Variants in AKR1C8 observed in about 807,000 individuals in gnomAD.
AKR1C8 encodes aldo-keto reductase family 1 member C8.
the AKR1C8 span, among the ~76,000 whole-genome samples, chr10:5,166,264 C>T: frequency 6.6e-6 from 1 of 152,000 alleles, no homozygotes; most frequent in Non-Finnish European, 1.5e-5. Context: ...CAATGACTTT[C>T]TTCACAGAAT....
the AKR1C8 span, among the ~76,000 whole-genome samples, chr10:5,128,086 G>A: frequency 1.3e-5 from 2 of 152,156 alleles, no homozygotes; most frequent in South Asian, 4.1e-4. Context: ...AGACTTCTCA[G>A]CAGAAACCTC....
chr10:5,132,896 T>G, the AKR1C8 span: 11 of 346,234 alleles, frequency 3.2e-5, no homozygotes, highest in Admixed American at 4.9e-4. Context: ...TATGGGGTGA[T>G]AAATCCATCC....
At chr10:5,159,321 A>G in the AKR1C8 span, among the ~76,000 whole-genome samples, 3 of 152,216 alleles carry the variant, frequency 2.0e-5, no homozygotes, top group African/African-American at 4.8e-5. Context: ...TGTCACGTGG[A>G]TCGATGAGTA....
At chr10:5,137,815 C>T in the AKR1C8 span, among the ~76,000 whole-genome samples, 1,792 of 152,122 alleles carry the variant, frequency 0.012, 15 homozygotes, top group Non-Finnish European at 0.018. Context: ...TCAGTAGGAC[C>T]GTGATGCCTG....
the AKR1C8 span, among the ~76,000 whole-genome samples, chr10:5,145,104 C>T: frequency 2.0e-5 from 3 of 151,858 alleles, no homozygotes; most frequent in Non-Finnish European, 4.4e-5. Context: ...TTGTCAAAGG[C>T]CTTTTCTGCA....
the AKR1C8 span, among the ~76,000 whole-genome samples, chr10:5,150,275 G>C: frequency 6.6e-6 from 1 of 151,946 alleles, no homozygotes; most frequent in Non-Finnish European, 1.5e-5. Context: ...TTTTTGAGAA[G>C]GATCAAATTA....
the AKR1C8 span, among the ~76,000 whole-genome samples, chr10:5,122,451 T>C: frequency 3.0e-4 from 45 of 152,318 alleles, no homozygotes; most frequent in African/African-American, 1.1e-3. Context: ...GGAAATCACT[T>C]GTTTTAAAAT....
At chr10:5,174,399 G>A in the AKR1C8 span, among the ~76,000 whole-genome samples, 2 of 151,708 alleles carry the variant, frequency 1.3e-5, no homozygotes, top group South Asian at 2.1e-4. Context: ...AAAATAAAAT[G>A]TCTTAAAAAG....
At chr10:5,161,457 G>A in the AKR1C8 span, among the ~76,000 whole-genome samples, 2,285 of 152,202 alleles carry the variant, frequency 0.015, 50 homozygotes, top group African/African-American at 0.051. Context: ...GGGTACATAC[G>A]GGAGACCCTC....
chr10:5,119,590 A>G, the AKR1C8 span, among the ~76,000 whole-genome samples: 1 of 152,298 alleles, frequency 6.6e-6, no homozygotes, highest in East Asian at 1.9e-4. Flanking sequence ...AATAATTAGA[A>G]AAACAAACAT....
chr10:5,141,389 A>G, the AKR1C8 span, among the ~76,000 whole-genome samples: 319 of 152,212 alleles, frequency 2.1e-3, 3 homozygotes, highest in African/African-American at 7.3e-3. Flanking sequence ...ACTTTTTCCA[A>G]ACTTCTATTC....
chr10:5,136,435 C>G, the AKR1C8 span, among the ~76,000 whole-genome samples: 1 of 120,244 alleles, frequency 8.3e-6, no homozygotes, highest in African/African-American at 3.4e-5. Flanking sequence ...ATAATTCCAG[C>G]TACTCAAGAG....
the AKR1C8 span, among the ~76,000 whole-genome samples, chr10:5,182,862 A>G: frequency 6.6e-6 from 1 of 151,948 alleles, no homozygotes; most frequent in Non-Finnish European, 1.5e-5. Context: ...GTGAGCCGAG[A>G]TCATGCCATT....
the AKR1C8 span, among the ~76,000 whole-genome samples, chr10:5,118,907 T>C: frequency 6.7e-6 from 1 of 149,254 alleles, no homozygotes; most frequent in Non-Finnish European, 1.5e-5. Context: ...ACTATCTCTA[T>C]ATGCCAACAC....
At chr10:5,156,706 A>T in the AKR1C8 span, among the ~76,000 whole-genome samples, 1 of 152,158 alleles carries the variant, frequency 6.6e-6, no homozygotes, top group Non-Finnish European at 1.5e-5. Flanking sequence ...AAAAAATAAA[A>T]TGGGCATTTT....
At chr10:5,118,748 A>C in the AKR1C8 span, among the ~76,000 whole-genome samples, 5 of 152,174 alleles carry the variant, frequency 3.3e-5, no homozygotes, top group African/African-American at 7.2e-5. Flanking sequence ...TTAATCTGCC[A>C]ATCATCAATT....
At chr10:5,146,655 A>G in the AKR1C8 span, among the ~76,000 whole-genome samples, 2 of 152,076 alleles carry the variant, frequency 1.3e-5, no homozygotes, top group Non-Finnish European at 2.9e-5. Context: ...GTTATGGAAA[A>G]CTATTCAAAA....
the AKR1C8 span, among the ~76,000 whole-genome samples, chr10:5,146,070 T>G: frequency 6.6e-6 from 1 of 151,356 alleles, no homozygotes; most frequent in African/African-American, 2.4e-5. Flanking sequence ...AAATTGGAAA[T>G]CATCATTCTC....
the AKR1C8 span, among the ~76,000 whole-genome samples, chr10:5,121,442 C>CTTACGGG: frequency 6.6e-6 from 1 of 152,110 alleles, no homozygotes; most frequent in Non-Finnish European, 1.5e-5. Context: ...ATTTATCATT[C>CTTACGGG]AGGTTGGTGA....
Sources: gnomAD v4.1 joint callset for allele counts (sites outside exome capture counted in the v4.1 genomes callset) on GRCh38, gnomAD v4.1.1 for gene constraint, MANE v1.5 for transcripts, NCBI Gene and HGNC (gene_info 2026-07-23, HGNC 2026-07-21) for gene names.